The following ARGLU1 variants were observed in gnomAD, a reference collection of about 807,000 sequenced individuals.
ARGLU1 encodes arginine and glutamate-rich protein 1.
ARGLU1 carries 9 observed loss-of-function variants against 37.6 expected under a neutral mutation model. That is an observed-to-expected ratio of 0.24 (90% CI 0.14 to 0.42). ARGLU1 has a LOEUF of 0.42. Ranked by LOEUF, ARGLU1 falls within the 10% of genes least tolerant of loss-of-function variation. ARGLU1 has a pLI of 1.00. For missense variants in ARGLU1, 211 were observed against 359.2 expected (o/e 0.59, Z 3.34); for synonymous variants, 166 against 138.5 (o/e 1.20, Z -1.39).
rs556780995 is a variant in ARGLU1 at position 106,557,988 on chromosome 13, T to C, written c.574-857A>G. ...TAAAATTCTTCAACTTATTTTTTCT[T>C]GGAGAATTTAATGAGATTTTATAAT... On this transcript the variant is annotated intron_variant, in intron 2 of 3. Transcript: ENST00000400198. The surrounding 1 kb of genome is among the most constrained non-coding windows in gnomAD (Gnocchi z 5.0). The C allele has an allele frequency of 8.4e-5, 83 of 985,434 alleles. No individual in the cohort carries two copies. The highest frequency in any genetic ancestry group is 1.0e-4 in the Non-Finnish European group (83 of 829,922). 61.0% of individuals were successfully genotyped at this position (985,434 alleles called of 1,614,324 possible). A position where few individuals can be genotyped will look rare whatever the true frequency, so the allele number is the denominator to read the frequency against.
intron 1 of ARGLU1, among the ~76,000 whole-genome samples, chr13:106,562,833 T>TA (rs1880848502): frequency 7.5e-6 from 1 of 132,658 alleles, no homozygotes; most frequent in Admixed American, 7.6e-5. Flanking sequence ...CTACTAAAAA[T>TA]AAAAATAAAT....
chr13:106,544,175 T>G lies in ARGLU1; in HGVS notation c.658-15A>C, dbSNP rs756898950. On this transcript the variant is annotated splice_polypyrimidine_tract_variant and intron_variant, in intron 3 of 3. Transcript: ENST00000400198. Reference sequence around the variant, plus strand: ...TGTTCTTCGGCCTGAAAGTTAAAAGTAAAAATTAATTATAGAAATGTATTA... The same window carrying G: ...TGTTCTTCGGCCTGAAAGTTAAAAGGAAAAATTAATTATAGAAATGTATTA... The G allele has an allele frequency of 6.5e-7, 1 of 1,531,430 alleles. No homozygotes were observed. The highest frequency in any genetic ancestry group is 8.7e-7 in the Non-Finnish European group (1 of 1,147,114). 94.9% of individuals were successfully genotyped at this position (1,531,430 alleles called of 1,614,324 possible). A position where few individuals can be genotyped will look rare whatever the true frequency, so the allele number is the denominator to read the frequency against.
chr13:106,544,158 G>A lies in ARGLU1; in HGVS notation c.660C>T (p.Ala220=), dbSNP rs755696822. Residue 220 remains alanine, a splice_region_variant and synonymous_variant, in exon 4 of 4, where the codon GCC becomes GCT. Transcript: ENST00000400198. ...RKIAEAQAKL[A]EEQLRIVEEQ... ...CTTCAACAATTCTCAACTGTTCTTCGGCCTGAAAGTTAAAAGTAAAAATTA... is the reference window on the plus strand; with the variant it reads ...CTTCAACAATTCTCAACTGTTCTTCAGCCTGAAAGTTAAAAGTAAAAATTA... 2.1e-5 allele frequency: 32 copies of A among 1,544,472 alleles called. No individual in the cohort carries two copies. Among genetic ancestry groups the A allele is most frequent in the South Asian group, 1.0e-4 (8 of 78,834 alleles).
At chr13:106,560,162 C>T (rs1025278493) in intron 1 of ARGLU1, among the ~76,000 whole-genome samples, 5 of 152,130 alleles carry the variant, frequency 3.3e-5, no homozygotes, top group African/African-American at 7.2e-5. Context: ...ACTAATAGTG[C>T]GTAGTTTTTA....
chr13:106,547,333 A>C (rs968926362), intron 3 of ARGLU1, among the ~76,000 whole-genome samples: 1 of 152,174 alleles, frequency 6.6e-6, no homozygotes, highest in Non-Finnish European at 1.5e-5. Context: ...CAGCAAGTAC[A>C]TTTTCTGGAA....
At chr13:106,558,315 T>A in intron 2 of ARGLU1, 1 of 985,114 alleles carries the variant, frequency 1.0e-6, no homozygotes, top group African/African-American at 1.7e-5. Flanking sequence ...AGCATGTATA[T>A]CTAGTTAAAG....
At chr13:106,547,107 C>G (rs978771135) in intron 3 of ARGLU1, among the ~76,000 whole-genome samples, 2 of 152,060 alleles carry the variant, frequency 1.3e-5, no homozygotes, top group African/African-American at 4.8e-5. Flanking sequence ...AGGGCCCTCT[C>G]TGTCTAGCTT....
At chr13:106,551,443 A>C (rs942054798) in intron 3 of ARGLU1, among the ~76,000 whole-genome samples, 1 of 152,312 alleles carries the variant, frequency 6.6e-6, no homozygotes, top group African/African-American at 2.4e-5. Flanking sequence ...TTTGCTTCTG[A>C]GCCCTAACCA....
chr13:106,545,700 C>T (rs560333971), intron 3 of ARGLU1, among the ~76,000 whole-genome samples: 1 of 152,130 alleles, frequency 6.6e-6, no homozygotes, highest in African/African-American at 2.4e-5. Flanking sequence ...AAGGGAAGAA[C>T]GCAAAGAAGT....
intron 1 of ARGLU1, among the ~76,000 whole-genome samples, chr13:106,559,975 TTA>T (rs1880751735): frequency 6.6e-6 from 1 of 152,214 alleles, no homozygotes; most frequent in Non-Finnish European, 1.5e-5. Flanking sequence ...GTTATTGACT[TTA>T]TAATCAGAGG....
At chr13:106,547,633 T>A (rs1031714542) in intron 3 of ARGLU1, among the ~76,000 whole-genome samples, 2 of 152,246 alleles carry the variant, frequency 1.3e-5, no homozygotes, top group African/African-American at 4.8e-5. Context: ...CTTGTGTACA[T>A]GCTACTTTTG....
At chr13:106,559,011 T>A in intron 2 of ARGLU1, 1 of 985,444 alleles carries the variant, frequency 1.0e-6, no homozygotes, top group Non-Finnish European at 1.2e-6. Context: ...CTCTTTTTAA[T>A]CTGACTGAAG....
chr13:106,556,546 C>T (rs1000886298), intron 3 of ARGLU1, among the ~76,000 whole-genome samples: 15 of 135,034 alleles, frequency 1.1e-4, no homozygotes, highest in African/African-American at 2.8e-4. Flanking sequence ...ACTTGCTTTC[C>T]CCCACCCCCA....
intron 1 of ARGLU1, among the ~76,000 whole-genome samples, chr13:106,564,721 G>A (rs907045892): frequency 6.6e-6 from 1 of 152,084 alleles, no homozygotes; most frequent in African/African-American, 2.4e-5. Flanking sequence ...GACATTCAGC[G>A]AAGCCCCTCT....
chr13:106,559,299 C>T, intron 2 of ARGLU1, 133 bp downstream of exon 2: 1 of 1,540,842 alleles, frequency 6.5e-7, no homozygotes, highest in Non-Finnish European at 8.7e-7. Context: ...ACTTTCGCAG[C>T]AATGTTAAGT....
intron 2 of ARGLU1, chr13:106,558,983 A>G: frequency 1.0e-6 from 1 of 985,428 alleles, no homozygotes; most frequent in Non-Finnish European, 1.2e-6. Context: ...AGGTGCTATC[A>G]CTCAATGTTA....
intron 1 of ARGLU1, among the ~76,000 whole-genome samples, 190 bp from the exon 2 acceptor site, chr13:106,559,847 A>G (rs1029509414): frequency 2.0e-5 from 3 of 152,264 alleles, no homozygotes; most frequent in African/African-American, 7.2e-5. Flanking sequence ...AATTCAAATG[A>G]GTATAAAATC....
Position 106,568,107 on chromosome 13 carries a change from T to C in ARGLU1, c.-188A>G, listed in dbSNP as rs1881030699. On this transcript the variant is annotated 5_prime_UTR_variant, in exon 1 of 4. Coordinates refer to ENST00000400198, the MANE Select transcript of ARGLU1 (RefSeq NM_018011.4). ...AAGGCCGCCTCCAACGAGAAACCCG[T>C]AGCGCCAGGCGCCCCTAAGATGGCA... 2.3e-6 allele frequency: 2 copies of C among 877,480 alleles called. No homozygotes were observed. The highest frequency in any genetic ancestry group is 4.1e-5 in the South Asian group (2 of 48,828). The allele number at this position is 877,480 out of a possible 1,614,324, so 54.4% of individuals were successfully genotyped here.
Position 106,567,854 on chromosome 13 carries a change from C to T in ARGLU1, c.66G>A (p.Lys22=). 6.2e-7 allele frequency: 1 copy of T among 1,613,308 alleles called. No individual in the cohort carries two copies. The highest frequency in any genetic ancestry group is 2.2e-5 in the East Asian group (1 of 44,822). Residue 22 remains lysine, a synonymous_variant, in exon 1 of 4, where the codon AAG becomes AAA. Transcript: ENST00000400198. The surrounding 1 kb of genome is among the most constrained non-coding windows in gnomAD (Gnocchi z 4.3). ...SKHTKSSKHN[K]KRSRSRSRSR... Reference sequence around the variant, plus strand: ...ATCGCGACCGGGACCGGCTGCGCTTCTTGTTGTGCTTGCTGCTCTTGGTGT... The same window carrying T: ...ATCGCGACCGGGACCGGCTGCGCTTTTTGTTGTGCTTGCTGCTCTTGGTGT...
Sources: gnomAD v4.1 joint callset for allele counts (sites outside exome capture counted in the v4.1 genomes callset) on GRCh38, gnomAD v4.1.1 for gene constraint, Gnocchi (gnomAD v3.1) non-coding constraint, MANE v1.5 for transcripts, NCBI Gene and HGNC (gene_info 2026-07-23, HGNC 2026-07-21) for gene names.